Variants in SPTBN1 observed in about 807,000 individuals in gnomAD.
SPTBN1 encodes spectrin beta, non-erythrocytic 1.
SPTBN1 carries 32 observed loss-of-function variants against 266.4 expected under a neutral mutation model. The ratio of observed to expected loss-of-function variants is 0.12; its 90% CI spans 0.09 to 0.16. The LOEUF (loss-of-function observed/expected upper bound fraction) is 0.16. Among genes scored for constraint, SPTBN1 ranks in the 10% least tolerant of loss-of-function variants. The pLI, the probability that SPTBN1 is intolerant of heterozygous loss-of-function variation, is 1.00. For synonymous variants in SPTBN1, 1,336 were observed against 1,162.2 expected, an observed-to-expected ratio of 1.15 and a Z score of -3.04; for missense variants, 2,296 against 3,067.1, an observed-to-expected ratio of 0.75 and a Z score of 5.94.
Position 54,643,255 on chromosome 2 carries a change from A to G in SPTBN1, c.4005+126A>G, listed in dbSNP as rs562206360. 8 of 1,368,812 alleles carry G rather than the reference A, an allele frequency of 5.8e-6. No homozygotes were observed. In the East Asian group the frequency reaches 1.0e-4, roughly 17 times the overall value. The allele number at this position is 1,368,812 out of a possible 1,614,324, so 84.8% of individuals were successfully genotyped here. The stretch of plus-strand genomic sequence containing the variant: ...GTACATTTACGTAAGTTACACAGCC[A>G]GTAATAGCTCCCTTTGCACGTACGG... On this transcript the variant is annotated intron_variant, in intron 19 of 35. Coordinates refer to ENST00000356805, the MANE Select transcript of SPTBN1 (RefSeq NM_003128.3).
chr2:54,657,033 G>A (rs528850004), intron 29 of SPTBN1, among the ~76,000 whole-genome samples: 21 of 152,228 alleles, frequency 1.4e-4, no homozygotes, highest in Non-Finnish European at 1.8e-4. Flanking sequence ...GGACACCAAC[G>A]CTGCCCACAG....
intron 2 of SPTBN1, among the ~76,000 whole-genome samples, chr2:54,586,429 G>T (rs1675301640): frequency 6.6e-6 from 1 of 152,146 alleles, no homozygotes; most frequent in Admixed American, 6.5e-5. Context: ...TCATTAAGTG[G>T]AATCTTGTCA....
At chr2:54,662,866 C>G (rs1681143289) in intron 32 of SPTBN1, 1 of 152,198 alleles carries the variant, frequency 6.6e-6, no homozygotes, top group South Asian at 2.1e-4. Flanking sequence ...CCTTGGTGAT[C>G]ACCATGCAGC....
chr2:54,557,085 A>G (rs901238734), intron 2 of SPTBN1, among the ~76,000 whole-genome samples: 3 of 152,250 alleles, frequency 2.0e-5, no homozygotes, highest in East Asian at 3.8e-4. Flanking sequence ...CTGGCTTTCA[A>G]AAGCCAAAGG....
chr2:54,492,359 T>G (rs1230936675), intron 1 of SPTBN1, among the ~76,000 whole-genome samples: 1 of 151,174 alleles, frequency 6.6e-6, no homozygotes, highest in Non-Finnish European at 1.5e-5. Flanking sequence ...GTTTTTTTTT[T>G]TTTTTGCTAC....
At chr2:54,550,715 C>G (rs1258605274) in intron 2 of SPTBN1, among the ~76,000 whole-genome samples, 1 of 152,226 alleles carries the variant, frequency 6.6e-6, no homozygotes, top group Non-Finnish European at 1.5e-5. Flanking sequence ...GTTACTGTCA[C>G]TAACCTGTCA....
At chr2:54,496,085 G>A (rs2104065947) in intron 1 of SPTBN1, among the ~76,000 whole-genome samples, 1 of 152,012 alleles carries the variant, frequency 6.6e-6, no homozygotes, top group East Asian at 1.9e-4. Context: ...AACCATCTAT[G>A]GGAACTCTGT....
chr2:54,640,650 C>T (rs1009863786), intron 18 of SPTBN1, among the ~76,000 whole-genome samples: 2 of 152,218 alleles, frequency 1.3e-5, no homozygotes, highest in African/African-American at 4.8e-5. Context: ...CTCCCGGGTT[C>T]AAGCAAGTCT....
intron 2 of SPTBN1, among the ~76,000 whole-genome samples, chr2:54,593,058 A>T (rs1006332659): frequency 2.0e-5 from 3 of 152,234 alleles, no homozygotes; most frequent in African/African-American, 7.2e-5. Flanking sequence ...AAGGAGCACC[A>T]TACTAGGATT....
intron 9 of SPTBN1, 87 bp from the exon 10 acceptor site, chr2:54,623,392 G>T (rs1023879700): frequency 2.9e-5 from 34 of 1,171,542 alleles, no homozygotes; most frequent in Non-Finnish European, 3.6e-5. Flanking sequence ...ATGTAAGTCA[G>T]ACCAGAGTTA....
chr2:54,473,566 A>G (rs1172143626), intron 1 of SPTBN1, among the ~76,000 whole-genome samples: 2 of 151,960 alleles, frequency 1.3e-5, no homozygotes, highest in East Asian at 1.9e-4. Flanking sequence ...GAACTGGTAA[A>G]TTGTATTGAG....
At chr2:54,484,473 C>T (rs1668251568) in intron 1 of SPTBN1, among the ~76,000 whole-genome samples, 1 of 152,128 alleles carries the variant, frequency 6.6e-6, no homozygotes, top group Non-Finnish European at 1.5e-5. Flanking sequence ...TCTCTTTCCT[C>T]AAGCTCAGAG....
chr2:54,527,241 C>G (rs1670871386), intron 2 of SPTBN1: 2 of 152,114 alleles, frequency 1.3e-5, no homozygotes, highest in Admixed American at 1.3e-4. Context: ...TATATGTAAA[C>G]CAAGTATCAA....
At chr2:54,613,969 G>A (rs1677399311) in intron 4 of SPTBN1, among the ~76,000 whole-genome samples, 1 of 152,220 alleles carries the variant, frequency 6.6e-6, no homozygotes, top group African/African-American at 2.4e-5. Flanking sequence ...CCCAGGTCAG[G>A]GAGCTGGCAC....
chr2:54,569,602 T>C (rs538902599), intron 2 of SPTBN1, among the ~76,000 whole-genome samples: 2 of 152,346 alleles, frequency 1.3e-5, no homozygotes, highest in Admixed American at 1.3e-4. Flanking sequence ...TCATATGTGG[T>C]TATTTCTGTG....
At chr2:54,583,138 G>A (rs1165918020) in intron 2 of SPTBN1, among the ~76,000 whole-genome samples, 4 of 152,022 alleles carry the variant, frequency 2.6e-5, no homozygotes, top group Admixed American at 6.6e-5. Flanking sequence ...TATTCCTGCC[G>A]CTGCTTGGTG....
chr2:54,456,762 G>A (rs1349621043), intron 1 of SPTBN1, among the ~76,000 whole-genome samples: 1 of 150,708 alleles, frequency 6.6e-6, no homozygotes, highest in African/African-American at 2.4e-5. Flanking sequence ...GACGAGGGGC[G>A]GCAGGCTCTG....
intron 1 of SPTBN1, among the ~76,000 whole-genome samples, chr2:54,476,800 T>C (rs1667855776): frequency 6.6e-6 from 1 of 152,200 alleles, no homozygotes; most frequent in African/African-American, 2.4e-5. Context: ...GAAGAGAGAT[T>C]TTTTCTATTG....
intron 4 of SPTBN1, among the ~76,000 whole-genome samples, chr2:54,614,781 C>T (rs1459009452): frequency 1.3e-5 from 2 of 149,454 alleles, no homozygotes; most frequent in African/African-American, 2.5e-5. Flanking sequence ...CCAGCCTGGG[C>T]GACAGAGACT....
Sources: allele counts gnomAD v4.1 joint callset (sites outside exome capture counted in the v4.1 genomes callset), GRCh38; gene constraint gnomAD v4.1.1; transcripts MANE v1.5; gene names NCBI Gene and HGNC (gene_info 2026-07-23, HGNC 2026-07-21).